CLCN5: variants seen among roughly 807,000 people sequenced by gnomAD.
The protein encoded by CLCN5 is H(+)/Cl(-) exchange transporter 5.
Under a neutral mutation model 54.0 loss-of-function variants are expected in CLCN5, and 17 were observed. That is an observed-to-expected ratio of 0.31 (90% CI 0.22 to 0.47). CLCN5 has a LOEUF of 0.47. Ranked by LOEUF, CLCN5 falls within the 20% of genes least tolerant of loss-of-function variation. The pLI is 1.00. For missense variants in CLCN5, 448 were observed against 646.7 expected (o/e 0.69, Z 3.33); for synonymous variants, 222 against 233.0 (o/e 0.95, Z 0.43).
chrX:50,055,940 T>A (rs1172071925), intron 4 of CLCN5, among the ~76,000 whole-genome samples: 5 of 110,915 alleles, frequency 4.5e-5, no homozygotes, highest in Non-Finnish European at 7.5e-5. Flanking sequence ...ACTTTCATTG[T>A]TTCTGGGTTT....
At chrX:50,071,077 T>C (rs1557191482) in intron 5 of CLCN5, among the ~76,000 whole-genome samples, 1 of 110,474 alleles carries the variant, frequency 9.1e-6, no homozygotes, top group African/African-American at 3.3e-5. Context: ...TCTCCCAAGT[T>C]CATGATTTCC....
chrX:50,065,149 A>G (rs1233165641), intron 4 of CLCN5, among the ~76,000 whole-genome samples: 2 of 86,212 alleles, frequency 2.3e-5, no homozygotes, highest in African/African-American at 4.5e-5. Flanking sequence ...ACAAAAGCCA[A>G]AATTGACAAA....
In CLCN5 at chrX:49,963,198, G is replaced by A. The variant is rs782680947; in HGVS notation, c.16+37884G>A. ...GCCCTTCCTTTGAGACTGGAGAGGCGAAGAGGAAGAAATTTTACATTTGTT... is the reference window on the plus strand; with the variant it reads ...GCCCTTCCTTTGAGACTGGAGAGGCAAAGAGGAAGAAATTTTACATTTGTT... On this transcript the variant is annotated intron_variant, in intron 3 of 14. Transcript: ENST00000376091. Among the ~76,000 whole-genome samples, 5 of 111,816 alleles carry A rather than the reference G, an allele frequency of 4.5e-5. No individual in the cohort carries two copies. In the South Asian group the frequency reaches 1.9e-3, roughly 42 times the overall value.
chrX:49,938,521 G>A lies in CLCN5; in HGVS notation c.16+13207G>A, dbSNP rs7391991. 6.6e-3 allele frequency among the ~76,000 whole-genome samples: 729 copies of A among 111,295 alleles called. 4 individuals carry two copies. Among genetic ancestry groups the A allele is most frequent in the Admixed American group, 0.012 (128 of 10,437 alleles). On this transcript the variant is annotated intron_variant, in intron 3 of 14. Transcript: ENST00000376091. Reference sequence around the variant, plus strand: ...CCATCTGATCTTTGACAAACCTGACGAAAACAAGCAATGGGGAAAGGATTC... The same window carrying A: ...CCATCTGATCTTTGACAAACCTGACAAAAACAAGCAATGGGGAAAGGATTC...
At chrX:50,004,901 G>A (rs144208053) in intron 3 of CLCN5, among the ~76,000 whole-genome samples, 103 of 111,193 alleles carry the variant, frequency 9.3e-4, no homozygotes, top group African/African-American at 3.2e-3. Context: ...CAAGAGCGAG[G>A]CTTCATCTCA....
At chrX:49,949,733 A>G (rs1189507616) in intron 3 of CLCN5, among the ~76,000 whole-genome samples, 1 of 111,646 alleles carries the variant, frequency 9.0e-6, no homozygotes, top group Admixed American at 9.6e-5. Flanking sequence ...TTAAACTGTG[A>G]TATAGCTCAG....
intron 3 of CLCN5, among the ~76,000 whole-genome samples, chrX:50,028,461 A>G (rs1319075374): frequency 8.9e-6 from 1 of 111,911 alleles, no homozygotes; most frequent in Admixed American, 9.5e-5. Flanking sequence ...GAGCTTATCC[A>G]CACTCAGCCT....
At chrX:50,029,504 A>G (rs1241447073) in intron 3 of CLCN5, among the ~76,000 whole-genome samples, 1 of 111,519 alleles carries the variant, frequency 9.0e-6, no homozygotes, top group Non-Finnish European at 1.9e-5. Flanking sequence ...ATGGCTGCAT[A>G]GTATTCCATG....
At chrX:49,985,674 G>A (rs1557178197) in intron 3 of CLCN5, among the ~76,000 whole-genome samples, 1 of 111,334 alleles carries the variant, frequency 9.0e-6, no homozygotes, top group Non-Finnish European at 1.9e-5. Flanking sequence ...TCATTTTATA[G>A]TGTCCTTGTG....
chrX:49,927,983 T>C (rs1557168254), intron 3 of CLCN5, among the ~76,000 whole-genome samples: 1 of 111,721 alleles, frequency 9.0e-6, no homozygotes, highest in African/African-American at 3.3e-5. Context: ...GAAAGTCGAA[T>C]GGTGGTTTCC....
At chrX:49,945,613 T>G (rs1222365360) in intron 3 of CLCN5, among the ~76,000 whole-genome samples, 5 of 101,718 alleles carry the variant, frequency 4.9e-5, no homozygotes, top group Admixed American at 3.2e-4. Flanking sequence ...AGTTTTTTTT[T>G]TTTTTTTTTT....
chrX:50,078,038 A>C (rs1933516124), intron 7 of CLCN5, among the ~76,000 whole-genome samples: 1 of 103,287 alleles, frequency 9.7e-6, no homozygotes, highest in African/African-American at 3.5e-5. Context: ...AAAAAAAAAA[A>C]AAAATCCTCT....
At chrX:50,007,267 T>C (rs1332417076) in intron 3 of CLCN5, among the ~76,000 whole-genome samples, 2 of 112,025 alleles carry the variant, frequency 1.8e-5, no homozygotes, top group African/African-American at 6.5e-5. Context: ...GAGGCCCACA[T>C]GTGGCTGGGT....
At chrX:49,944,478 G>A (rs1663456640) in intron 3 of CLCN5, among the ~76,000 whole-genome samples, 2 of 111,620 alleles carry the variant, frequency 1.8e-5, no homozygotes, top group Non-Finnish European at 3.8e-5. Flanking sequence ...TCCCTGTCTT[G>A]TGCCAGTTTT....
intron 4 of CLCN5, among the ~76,000 whole-genome samples, chrX:50,069,166 A>G (rs1933140712): frequency 8.9e-6 from 1 of 112,269 alleles, no homozygotes; most frequent in African/African-American, 3.2e-5. Flanking sequence ...AGTAATTGTA[A>G]TAGAAGTACC....
At chrX:49,969,112 C>T (rs868985334) in intron 3 of CLCN5, among the ~76,000 whole-genome samples, 2 of 108,784 alleles carry the variant, frequency 1.8e-5, no homozygotes, top group South Asian at 8.0e-4. Flanking sequence ...AAGTCTTGCT[C>T]TGTTGCCCAG....
At chrX:50,017,095 G>A (rs1930826153) in intron 3 of CLCN5, among the ~76,000 whole-genome samples, 1 of 111,696 alleles carries the variant, frequency 9.0e-6, no homozygotes, top group African/African-American at 3.3e-5. Context: ...AAACGTTTGT[G>A]TGCAGGATCT....
At position 50,000,996 on chromosome X, in the gene CLCN5, C is replaced by A. The variant is rs1257144308; in HGVS notation, c.17-41320C>A. ...ACCTCCCTTCCTTCCTCCTCACTCT[C>A]AGCTGCTGACTTTGCTTTCTTCTTC... is the stretch of plus-strand genomic sequence containing the variant. On this transcript the variant is annotated intron_variant, in intron 3 of 14. Transcript: ENST00000376091. Among the ~76,000 whole-genome samples, 13 of 110,933 alleles carry A rather than the reference C, an allele frequency of 1.2e-4. No individual in the cohort carries two copies. In the East Asian group the frequency reaches 3.7e-3, roughly 32 times the overall value.
chrX:50,086,117 T>C, intron 10 of CLCN5, 57 bp downstream of exon 10: 2 of 979,332 alleles, frequency 2.0e-6, no homozygotes, highest in Non-Finnish European at 2.9e-6. Flanking sequence ...ATTTTGTACA[T>C]TGCAGCGCAA....
Sources: allele counts gnomAD v4.1 joint callset (sites outside exome capture counted in the v4.1 genomes callset), GRCh38; gene constraint gnomAD v4.1.1; transcripts MANE v1.5; gene names NCBI Gene and HGNC (gene_info 2026-07-23, HGNC 2026-07-21).